The following SLC25A42 variants were observed in gnomAD, a reference collection of about 807,000 sequenced individuals.
SLC25A42 encodes mitochondrial coenzyme A transporter SLC25A42.
In SLC25A42, 19 loss-of-function variants were observed where a neutral mutation model predicts 34.7. The ratio of observed to expected loss-of-function variants is 0.55; its 90% CI spans 0.38 to 0.80. The LOEUF is 0.80. Ranked by LOEUF, SLC25A42 falls within the 30% of genes least tolerant of loss-of-function variation. The pLI is 0.00. For synonymous variants in SLC25A42, 205 were observed against 191.2 expected (o/e 1.07, Z -0.59); for missense variants, 364 against 441.3 (o/e 0.82, Z 1.57).
chr19:19,102,656 A>C (rs1215650128), intron 3 of SLC25A42, among the ~76,000 whole-genome samples: 1 of 152,066 alleles, frequency 6.6e-6, no homozygotes, highest in Non-Finnish European at 1.5e-5. Context: ...AGTCAGGAGA[A>C]TCGCTTGAAC....
chr19:19,102,157 C>T (rs560601321), intron 3 of SLC25A42, among the ~76,000 whole-genome samples: 5 of 151,838 alleles, frequency 3.3e-5, no homozygotes, highest in Non-Finnish European at 7.4e-5. Flanking sequence ...TACAGGCATG[C>T]GCCACCATGC....
Position 19,094,846 on chromosome 19 carries a change from G to A in SLC25A42, c.-34-1245G>A, listed in dbSNP as rs2059756009. On this transcript the variant is annotated intron_variant, in intron 1 of 7. Coordinates refer to ENST00000318596, the MANE Select transcript of SLC25A42 (RefSeq NM_178526.5). ...GCTTGAGCCCAGGAGTTCCAGACCAGCCTGGGCAACATAGTGAGTCACTGT... is the reference window on the plus strand; with the variant it reads ...GCTTGAGCCCAGGAGTTCCAGACCAACCTGGGCAACATAGTGAGTCACTGT... Among the ~76,000 whole-genome samples, 5 of 152,224 alleles carry A rather than the reference G, an allele frequency of 3.3e-5. No individual in the cohort carries two copies. In the South Asian group the frequency reaches 1.0e-3, roughly 32 times the overall value.
intron 2 of SLC25A42, among the ~76,000 whole-genome samples, chr19:19,096,906 C>G (rs901255987): frequency 6.6e-6 from 1 of 152,002 alleles, no homozygotes; most frequent in African/African-American, 2.4e-5. Flanking sequence ...CACTGCACCC[C>G]AGCCTGAGCG....
chr19:19,089,322 T>TCAAGACCAACCTGAC (rs967634632), intron 1 of SLC25A42, among the ~76,000 whole-genome samples: 1 of 151,762 alleles, frequency 6.6e-6, no homozygotes, highest in Non-Finnish European at 1.5e-5. Flanking sequence ...GGTCAGGAGT[T>TCAAGACCAACCTGAC]CAAGACCAAC....
chr19:19,106,671 G>A (rs964030272), intron 6 of SLC25A42: 5 of 195,346 alleles, frequency 2.6e-5, no homozygotes, highest in South Asian at 1.9e-4. Context: ...GGTGGCTCAC[G>A]CCTGTAATCC....
rs779734850 is a variant in SLC25A42 at position 19,105,629 on chromosome 19, G to A, written c.282G>A (p.Ser94=). ...TTCTCAGCTTGTGGCGCGGGAACTC[G>A]GCCACCATGGTGCGCGTGGTGCCCT... ...EGFLSLWRGN[S]ATMVRVVPYA... Residue 94 remains serine (S), a synonymous_variant, in exon 5 of 8, where the codon TCG becomes TCA. Coordinates refer to ENST00000318596, the MANE Select transcript of SLC25A42 (RefSeq NM_178526.5). The A allele has an allele frequency of 3.1e-6, 5 of 1,613,836 alleles. No individual in the cohort carries two copies. The highest frequency in any genetic ancestry group is 2.2e-5 in the South Asian group (2 of 91,058).
At chr19:19,075,453 G>A (rs2059651252) in intron 1 of SLC25A42, among the ~76,000 whole-genome samples, 1 of 152,220 alleles carries the variant, frequency 6.6e-6, no homozygotes, top group Admixed American at 6.5e-5. Flanking sequence ...CCTCTGCCTG[G>A]CCGCTGGTAG....
intron 1 of SLC25A42, among the ~76,000 whole-genome samples, chr19:19,090,647 AAACAAC>A (rs139435874): frequency 0.014 from 2,181 of 151,842 alleles, 47 homozygotes; most frequent in African/African-American, 0.047. Flanking sequence ...CCCCGTCTCA[AAACAAC>A]AACAACAACA....
chr19:19,096,026 C>A (rs1412599194), intron 1 of SLC25A42, 65 bp from the exon 2 acceptor site: 1 of 1,086,498 alleles, frequency 9.2e-7, no homozygotes, highest in Non-Finnish European at 1.4e-6. Flanking sequence ...TAGGAAAAGG[C>A]TGGTGGAACA....
intron 1 of SLC25A42, among the ~76,000 whole-genome samples, chr19:19,067,561 C>T (rs1247567084): frequency 1.3e-5 from 2 of 152,108 alleles, no homozygotes; most frequent in Non-Finnish European, 2.9e-5. Flanking sequence ...CCAGCCTGGG[C>T]AACAGAGCAA....
intron 1 of SLC25A42, among the ~76,000 whole-genome samples, chr19:19,082,250 G>A (rs1441898373): frequency 1.3e-5 from 2 of 152,206 alleles, no homozygotes; most frequent in Admixed American, 1.3e-4. Context: ...GGCTCAGGAA[G>A]AGAATCTGTG....
chr19:19,106,436 G>A lies in SLC25A42; in HGVS notation c.497+51G>A, dbSNP rs755065328. 3.4e-6 allele frequency: 5 copies of A among 1,470,664 alleles called. No homozygotes were observed. The South Asian group carries it at 3.6e-5, about 10-fold the overall frequency. 91.1% of individuals were successfully genotyped at this position (1,470,664 alleles called of 1,614,324 possible). ...ATCAGCCCCGGGGGCTCTGTGTCTC[G>A]GGGGCTCCCAGGTCGGAATCCCTCT... On this transcript the variant is annotated intron_variant, in intron 6 of 7. Transcript: ENST00000318596.
intron 3 of SLC25A42, 38 bp downstream of exon 3, chr19:19,101,924 C>T: frequency 1.3e-6 from 2 of 1,489,574 alleles, no homozygotes; most frequent in Non-Finnish European, 1.9e-6. Flanking sequence ...GAGAAGCTGC[C>T]AGGCGGTCAC....
intron 3 of SLC25A42, among the ~76,000 whole-genome samples, chr19:19,104,496 A>AG (rs2059815334): frequency 6.6e-6 from 1 of 152,148 alleles, no homozygotes; most frequent in African/African-American, 2.4e-5. Context: ...TGGCAGCCAC[A>AG]GGGGGTGGGA....
intron 6 of SLC25A42, among the ~76,000 whole-genome samples, chr19:19,107,285 C>G (rs1468221853): frequency 6.8e-6 from 1 of 147,154 alleles, no homozygotes; most frequent in East Asian, 2.0e-4. Flanking sequence ...TCACTGCACT[C>G]CAGCCGGTCC....
At chr19:19,093,155 G>A (rs563374892) in intron 1 of SLC25A42, among the ~76,000 whole-genome samples, 1 of 152,118 alleles carries the variant, frequency 6.6e-6, no homozygotes, top group East Asian at 1.9e-4. Flanking sequence ...CGAGTACCTG[G>A]GACCACAGGT....
chr19:19,110,580 C>T lies in SLC25A42; in HGVS notation c.661C>T (p.Arg221Cys). The T allele has an allele frequency of 7.0e-7, 1 of 1,435,550 alleles. No individual in the cohort carries two copies. The highest frequency in any genetic ancestry group is 2.7e-5 in the East Asian group (1 of 37,266). 88.9% of individuals were successfully genotyped at this position (1,435,550 alleles called of 1,614,324 possible). ...CCCTCGCCCTGCAGAGTACAGCGGCCGCCGGCAGCCCTACCCCTTCGAGCG... is the reference window on the plus strand; with the variant it reads ...CCCTCGCCCTGCAGAGTACAGCGGCTGCCGGCAGCCCTACCCCTTCGAGCG... ...LKSLHREYSGRRQPYPFERMI... is the reference protein window; with the variant it reads ...LKSLHREYSGCRQPYPFERMI... The change falls in exon 8 of 8, where the codon CGC becomes TGC. Residue 221 changes from arginine (R) to cysteine (C), a missense_variant. Coordinates refer to ENST00000318596, the MANE Select transcript of SLC25A42 (RefSeq NM_178526.5).
chr19:19,084,214 CA>C (rs1980951376), intron 1 of SLC25A42, among the ~76,000 whole-genome samples: 1 of 152,214 alleles, frequency 6.6e-6, no homozygotes, highest in Non-Finnish European at 1.5e-5. Flanking sequence ...GTGTTGCACA[CA>C]CCATCTCCCA....
intron 1 of SLC25A42, among the ~76,000 whole-genome samples, chr19:19,070,230 T>C (rs1300056458): frequency 2.0e-5 from 3 of 151,530 alleles, no homozygotes; most frequent in Non-Finnish European, 4.4e-5. Flanking sequence ...CTCCTGACCT[T>C]GTGATCCGCC....
Sources: allele counts gnomAD v4.1 joint callset (sites outside exome capture counted in the v4.1 genomes callset), GRCh38; gene constraint gnomAD v4.1.1; transcripts MANE v1.5; gene names NCBI Gene and HGNC (gene_info 2026-07-23, HGNC 2026-07-21).